Variants in FREM2 observed in about 807,000 individuals in gnomAD.
The protein encoded by FREM2 is FRAS1-related extracellular matrix protein 2.
A neutral mutation model predicts 219.9 loss-of-function variants in FREM2; 119 were observed. That is an observed-to-expected ratio of 0.54 (90% CI 0.47 to 0.63). The LOEUF is 0.63. Ranked by LOEUF, FREM2 falls within the 30% of genes least tolerant of loss-of-function variation. The probability of loss-of-function intolerance (pLI) is 0.00; values close to 1 mark genes in which losing one functional copy is unlikely to be tolerated. For missense variants in FREM2, 4,030 were observed against 3,993.6 expected, an observed-to-expected ratio of 1.01 and a Z score of -0.25; for synonymous variants, 1,562 against 1,522.8, an observed-to-expected ratio of 1.03 and a Z score of -0.60.
Position 38,882,896 on chromosome 13 carries a change from C to A in FREM2, c.*2109C>A, listed in dbSNP as rs755054399. ...GTTAACAGCTTCCGAGCCTATCATG[C>A]AATTTGGAGTCTGTCAATGAATATA... On this transcript the variant is annotated 3_prime_UTR_variant, in exon 24 of 24. Transcript: ENST00000280481. The A allele has an allele frequency of 1.3e-5, 2 of 152,154 alleles. No individual in the cohort carries two copies. The highest frequency in any genetic ancestry group is 2.9e-5 in the Non-Finnish European group (2 of 68,026). The allele number at this position is 152,154 out of a possible 1,614,324, so 9.4% of individuals were successfully genotyped here.
intron 2 of FREM2, among the ~76,000 whole-genome samples, chr13:38,732,998 G>A (rs1871828423): frequency 6.6e-6 from 1 of 152,138 alleles, no homozygotes; most frequent in African/African-American, 2.4e-5. Context: ...TCTTTGACAT[G>A]GATAATGTGA....
Position 38,878,261 on chromosome 13 carries a change from G to A in FREM2, c.8799G>A (p.Met2933Ile). 6.2e-7 allele frequency: 1 copy of A among 1,613,794 alleles called. No individual in the cohort carries two copies. The highest frequency in any genetic ancestry group is 8.5e-7 in the Non-Finnish European group (1 of 1,179,906). The change falls in exon 22 of 24, where the codon ATG becomes ATA. Residue 2933 changes from methionine (M) to isoleucine (I), a missense_variant. Met to Ile is a conservative substitution (Grantham distance 10). This residue lies in a region of FREM2 where 928 missense variants were observed against 1,042.9 expected (regional missense o/e 0.89). Coordinates refer to ENST00000280481, the MANE Select transcript of FREM2 (RefSeq NM_207361.6). ...ADGYVPKYSP[M>I]NAEYGCLADS... is the part of the protein sequence containing the mutation. ...GCTATGTTCCCAAGTATAGTCCAAT[G>A]AATGCAGAATATGGCTGCTTAGCCG...
intron 6 of FREM2, among the ~76,000 whole-genome samples, chr13:38,797,141 A>AC (rs35834663): frequency 0.66 from 100,305 of 151,790 alleles, 33,522 homozygotes; most frequent in Middle Eastern, 0.72. Context: ...CTTTGAAAGC[A>AC]TGGTATTAAA....
chr13:38,846,609 T>C lies in FREM2; in HGVS notation c.6056T>C (p.Val2019Ala), dbSNP rs375168210. The stretch of plus-strand genomic sequence containing the variant: ...TACTTCGGTGATGTGGAATACTCTG[T>C]GGATGAGAGTGCTGGCTATGTGGAA... ...IFYFGDVEYS[V>A]DESAGYVEVQ... is the part of the protein sequence containing the mutation. The change falls in exon 7 of 24, where the codon GTG becomes GCG. Residue 2019 changes from valine to alanine, a missense_variant. By Grantham distance (64) the Val-to-Ala change is moderately conservative (BLOSUM62 0). This residue lies in a region of FREM2 where 3,102 missense variants were observed against 2,950.7 expected (regional missense o/e 1.05). Coordinates refer to ENST00000280481, the MANE Select transcript of FREM2 (RefSeq NM_207361.6). 3.7e-6 allele frequency: 6 copies of C among 1,613,606 alleles called. No individual in the cohort carries two copies. Among genetic ancestry groups the C allele is most frequent in the Non-Finnish European group, 5.1e-6 (6 of 1,179,766 alleles).
At chr13:38,784,437 C>A in intron 5 of FREM2, 120 bp from the exon 6 acceptor site, 1 of 1,063,738 alleles carries the variant, frequency 9.4e-7, no homozygotes, top group Non-Finnish European at 1.4e-6. Flanking sequence ...TATTGCAGTT[C>A]TAGGGGTGTT....
intron 4 of FREM2, among the ~76,000 whole-genome samples, chr13:38,778,480 A>G (rs866103825): frequency 6.6e-6 from 1 of 152,084 alleles, no homozygotes; most frequent in Non-Finnish European, 1.5e-5. Flanking sequence ...TCATGACCTC[A>G]CCAAAGTACC....
Position 38,807,219 on chromosome 13 carries a change from ATATATATATG to A in FREM2, c.6019+22415_6019+22424del, listed in dbSNP as rs1231919443. On this transcript the variant is annotated intron_variant, in intron 6 of 23. Transcript: ENST00000280481. ...TATATATATATATATATATATATAT[ATATATATATG>A]TATGGTTTTGTTTTGTTTTGTTTTT... 6.5e-4 allele frequency among the ~76,000 whole-genome samples: 78 copies of A among 120,154 alleles called. 10 individuals carry two copies. The East Asian group carries it at 0.012, about 18-fold the overall frequency. 78.8% of individuals were successfully genotyped at this position (120,154 alleles called of 152,430 possible).
At position 38,687,366 on chromosome 13, in the gene FREM2, G is replaced by A. The variant is rs921257277; in HGVS notation, c.22G>A (p.Gly8Arg). 89 of 1,607,812 alleles carry A rather than the reference G, an allele frequency of 5.5e-5. No individual in the cohort carries two copies. Among genetic ancestry groups the A allele is most frequent in the Non-Finnish European group, 7.5e-5 (88 of 1,177,588 alleles). The change falls in exon 1 of 24, where the codon GGG becomes AGG. Residue 8 changes from glycine (G) to arginine (R), a missense_variant. By Grantham distance (125) the Gly-to-Arg change is moderately radical. Around this residue, in one of 2 missense-constraint regions of FREM2, gnomAD observed 3,102 missense variants for 2,950.7 expected, o/e 1.05. Transcript: ENST00000280481. MHSAGTPGLSSRRTGNST... is the reference protein window; with the variant it reads MHSAGTPRLSSRRTGNST... Reference sequence around the variant, plus strand: ...GACCATGCACTCAGCCGGGACTCCCGGGTTATCCTCGCGCCGGACAGGCAA... The same window carrying A: ...GACCATGCACTCAGCCGGGACTCCCAGGTTATCCTCGCGCCGGACAGGCAA...
rs565559964 is a variant in FREM2, at chr13:38,726,913, G to A, written c.5263+29126G>A. On this transcript the variant is annotated intron_variant, in intron 2 of 23. Transcript: ENST00000280481. ...TAGTTGTTTCTAAAAGAGTTAAGTG[G>A]TAGTTCAGTTAATCGGTAAAACTGC... Among the ~76,000 whole-genome samples, 18 of 152,298 alleles carry A rather than the reference G, an allele frequency of 1.2e-4. No homozygotes were observed. In the South Asian group the frequency reaches 3.7e-3, roughly 32 times the overall value.
At chr13:38,840,045 C>A in intron 6 of FREM2, among the ~76,000 whole-genome samples, 1 of 152,162 alleles carries the variant, frequency 6.6e-6, no homozygotes, top group East Asian at 1.9e-4. Context: ...GTCCAAATGG[C>A]CACCCAACTT....
intron 2 of FREM2, among the ~76,000 whole-genome samples, chr13:38,698,320 G>A (rs1870199933): frequency 6.6e-6 from 1 of 152,064 alleles, no homozygotes. Flanking sequence ...CTTAGTTTGG[G>A]GGATTTTGTG....
rs140747461 is a variant in FREM2 at position 38,711,235 on chromosome 13, G to A, written c.5263+13448G>A. Among the ~76,000 whole-genome samples the A allele has an allele frequency of 1.5e-3, 226 of 152,088 alleles. 1 individual carries two copies. Among genetic ancestry groups the A allele is most frequent in the African/African-American group, 5.2e-3 (216 of 41,486 alleles). The stretch of plus-strand genomic sequence containing the variant: ...CAGCTCCCTTTCCCTTCCCATCCCC[G>A]TCTTCGCCTCCAGCCAGTATGTATG... On this transcript the variant is annotated intron_variant, in intron 2 of 23. Transcript: ENST00000280481.
At chr13:38,880,183 C>T in intron 23 of FREM2, 101 bp from the exon 24 acceptor site, 2 of 1,239,686 alleles carry the variant, frequency 1.6e-6, no homozygotes, top group Admixed American at 1.7e-5. Context: ...AGACTAAAAT[C>T]ATTTATTAAT....
intron 6 of FREM2, among the ~76,000 whole-genome samples, chr13:38,844,772 C>T (rs1406758137): frequency 1.3e-5 from 2 of 152,160 alleles, no homozygotes; most frequent in Admixed American, 6.6e-5. Flanking sequence ...ACAGAGATCA[C>T]TTGTTGGATG....
At chr13:38,692,942 T>C (rs371283206) in intron 1 of FREM2, among the ~76,000 whole-genome samples, 4 of 152,348 alleles carry the variant, frequency 2.6e-5, no homozygotes, top group South Asian at 2.1e-4. Context: ...TCATTATCAA[T>C]TACCATTCCA....
chr13:38,871,212 T>C (rs1878145327), intron 16 of FREM2, among the ~76,000 whole-genome samples: 1 of 152,228 alleles, frequency 6.6e-6, no homozygotes, highest in Non-Finnish European at 1.5e-5. Context: ...CTTTTCTATA[T>C]ATTTTTATTA....
In FREM2 at chr13:38,690,685, A is replaced by G. The variant is rs1401029693; in HGVS notation, c.3341A>G (p.Tyr1114Cys). 2 of 1,613,922 alleles carry G rather than the reference A, an allele frequency of 1.2e-6. No individual in the cohort carries two copies. The highest frequency in any genetic ancestry group is 1.7e-6 in the Non-Finnish European group (2 of 1,180,050). The change falls in exon 1 of 24, where the codon TAT becomes TGT. Residue 1114 changes from tyrosine (Y) to cysteine (C), a missense_variant. Around this residue, in one of 2 missense-constraint regions of FREM2, gnomAD observed 3,102 missense variants for 2,950.7 expected, o/e 1.05. Transcript: ENST00000280481. Reference protein sequence around the residue: ...CTIVIQPTSGYVENISPAPGS... With the variant: ...CTIVIQPTSGCVENISPAPGS... ...ATAGTTATTCAGCCTACTTCAGGTTATGTTGAAAACATTTCTCCAGCACCA... is the reference window on the plus strand; with the variant it reads ...ATAGTTATTCAGCCTACTTCAGGTTGTGTTGAAAACATTTCTCCAGCACCA...
intron 2 of FREM2, among the ~76,000 whole-genome samples, chr13:38,733,660 A>T (rs1871859982): frequency 6.6e-6 from 1 of 152,078 alleles, no homozygotes; most frequent in Non-Finnish European, 1.5e-5. Flanking sequence ...CCTTTGTCTT[A>T]CTGTTTATTT....
Position 38,688,151 on chromosome 13 carries a change from AGCCGC to A in FREM2, c.808_812del (p.Ala270GlnfsTer78). ...AACTAGGCGTGCGCTATCGCCACAC[AGCCGC>A]CAGTCGCTCACCAAACAGGGACTGG... On this transcript the variant is annotated frameshift_variant, in exon 1 of 24. Coordinates refer to ENST00000280481, the MANE Select transcript of FREM2 (RefSeq NM_207361.6). LOFTEE classifies it high-confidence loss of function. 6.2e-7 allele frequency: 1 copy of A among 1,613,366 alleles called. No individual in the cohort carries two copies.
Sources: gnomAD v4.1 joint callset for allele counts (sites outside exome capture counted in the v4.1 genomes callset) on GRCh38, gnomAD v4.1.1 for gene constraint, gnomAD v4.1.1 regional missense constraint, MANE v1.5 for transcripts, NCBI Gene and HGNC (gene_info 2026-07-23, HGNC 2026-07-21) for gene names.